Variants in CUL4B observed in about 807,000 individuals in gnomAD.
CUL4B encodes the protein cullin-4B.
CUL4B carries 1 observed loss-of-function variant against 69.2 expected under a neutral mutation model. That is an observed-to-expected ratio of 0.01 (90% CI 0.01 to 0.07). The LOEUF (loss-of-function observed/expected upper bound fraction) is 0.07, where lower values mean the gene tolerates loss of function less well. Ranked by LOEUF, CUL4B falls within the 10% of genes least tolerant of loss-of-function variation. The pLI is 1.00. For missense variants in CUL4B, 328 were observed against 638.8 expected, an observed-to-expected ratio of 0.51 and a Z score of 5.24; for synonymous variants, 237 against 223.2, an observed-to-expected ratio of 1.06 and a Z score of -0.55.
chrX:120,548,476 G>C (rs917299257), intron 2 of CUL4B, among the ~76,000 whole-genome samples: 6 of 111,662 alleles, frequency 5.4e-5, no homozygotes, highest in African/African-American at 2.0e-4. Flanking sequence ...GTATGATAAT[G>C]AGTATGATAT....
downstream of CUL4B, among the ~76,000 whole-genome samples, chrX:120,567,032 C>G (rs779455069): frequency 4.5e-5 from 5 of 110,817 alleles, no homozygotes; most frequent in Non-Finnish European, 5.7e-5. Flanking sequence ...ATCGATGTCT[C>G]TCAAAGTCCC....
intron 2 of CUL4B, among the ~76,000 whole-genome samples, chrX:120,557,258 T>G (rs1393819339): frequency 9.0e-6 from 1 of 111,539 alleles, no homozygotes; most frequent in African/African-American, 3.3e-5. Flanking sequence ...TGAAAGTAAC[T>G]TCTTGAATTG....
At chrX:120,544,000 G>A in intron 7 of CUL4B, 114 bp downstream of exon 7, 2 of 588,426 alleles carry the variant, frequency 3.4e-6, no homozygotes, top group South Asian at 2.5e-5. Context: ...GCACCTAAGT[G>A]AGAGAAGAGC....
chrX:120,541,526 G>A, intron 10 of CUL4B, 76 bp downstream of exon 10: 5 of 723,304 alleles, frequency 6.9e-6, no homozygotes, highest in South Asian at 2.2e-5. Context: ...GATCAAACAA[G>A]AAATGCTTGC....
chrX:120,524,140 A>G lies in CUL4B; in HGVS notation c.*2621T>C. 9.0e-6 allele frequency among the ~76,000 whole-genome samples: 1 copy of G among 111,678 alleles called. No individual in the cohort carries two copies. Among genetic ancestry groups the G allele is most frequent in the Admixed American group, 9.6e-5 (1 of 10,406 alleles). On this transcript the variant is annotated 3_prime_UTR_variant, in exon 20 of 20. Transcript: ENST00000371322. ...AAGAGTATGGCTAGACATCATATTA[A>G]GACCATTCAAGCAGACTCAGGAACT... is the stretch of plus-strand genomic sequence containing the variant.
intron 17 of CUL4B, 114 bp from the exon 18 acceptor site, chrX:120,532,708 A>G (rs1923392896): frequency 1.5e-6 from 1 of 683,535 alleles, no homozygotes; most frequent in Non-Finnish European, 2.3e-6. Flanking sequence ...TTTTTTCCCA[A>G]AGGTCACCAA....
chrX:120,566,371 A>ATATATATATATATATATATATG (rs1925539309), upstream of CUL4B, among the ~76,000 whole-genome samples: 1 of 60,028 alleles, frequency 1.7e-5, no homozygotes, highest in African/African-American at 5.3e-5. Context: ...ATATATATAT[A>ATATATATATATATATATATATG]TATATATATA....
At chrX:120,544,266 T>A (rs1430523259) in intron 6 of CUL4B, 63 bp from the exon 7 acceptor site, 5 of 877,922 alleles carry the variant, frequency 5.7e-6, no homozygotes, top group Non-Finnish European at 6.7e-6. Context: ...ATGTCCTCTA[T>A]GTCTATGTAA....
intron 2 of CUL4B, among the ~76,000 whole-genome samples, chrX:120,553,770 G>C (rs750996894): frequency 9.0e-6 from 1 of 110,634 alleles, no homozygotes; most frequent in Non-Finnish European, 1.9e-5. Flanking sequence ...AAAACACTGC[G>C]GCTACTCATA....
chrX:120,544,126 C>A lies in CUL4B; in HGVS notation c.1161G>T (p.Met387Ile). Residue 387 changes from methionine (M) to isoleucine (I), a missense_variant, in exon 7 of 20, where the codon ATG becomes ATT. This residue lies in a region of CUL4B where 126 missense variants were observed against 202.5 expected (regional missense o/e 0.62). Transcript: ENST00000371322. The stretch of plus-strand genomic sequence containing the variant: ...GATTTTTAAATACCTCTCTTTCTTG[C>A]ATTAATTTTTGGCCTTCAGCTGCAT... Reference protein sequence around the residue: ...RLYAAEGQKLMQEREVPEYLH... With the variant: ...RLYAAEGQKLIQEREVPEYLH... The A allele has an allele frequency of 8.5e-7, 1 of 1,181,812 alleles. No individual in the cohort carries two copies. The highest frequency in any genetic ancestry group is 3.0e-5 in the East Asian group (1 of 33,645).
chrX:120,564,777 G>A (rs1925444460), upstream of CUL4B, among the ~76,000 whole-genome samples: 1 of 112,304 alleles, frequency 8.9e-6, no homozygotes, highest in East Asian at 2.8e-4. Context: ...TTGAACTCAC[G>A]GGAGCCACAC....
At chrX:120,532,186 G>T (rs1012813298) in intron 18 of CUL4B, 21 of 316,481 alleles carry the variant, frequency 6.6e-5, no homozygotes, top group Admixed American at 5.3e-5. Context: ...AAATTCTAAA[G>T]ATTGAATACT....
intron 2 of CUL4B, among the ~76,000 whole-genome samples, chrX:120,549,365 A>G (rs1004579553): frequency 9.8e-5 from 11 of 111,944 alleles, no homozygotes; most frequent in Non-Finnish European, 1.9e-4. Context: ...CACTCTGACC[A>G]ACATAGTGAA....
chrX:120,569,505 C>T (rs915862736), downstream of CUL4B, among the ~76,000 whole-genome samples: 32 of 110,164 alleles, frequency 2.9e-4, no homozygotes, highest in Non-Finnish European at 5.7e-4. Context: ...GGACTACAGG[C>T]GCCCGCCACC....
intron 17 of CUL4B, 98 bp downstream of exon 17, chrX:120,534,383 A>G (rs113467361): frequency 3.3e-5 from 21 of 634,119 alleles, no homozygotes; most frequent in African/African-American, 2.0e-4. Flanking sequence ...AAAAACTCAA[A>G]ACAGTTCTGA....
upstream of CUL4B, among the ~76,000 whole-genome samples, chrX:120,564,625 C>T (rs1052036435): frequency 1.8e-5 from 2 of 112,322 alleles, no homozygotes; most frequent in African/African-American, 6.4e-5. Flanking sequence ...CAAAAACCTT[C>T]CAAGTTGGTT....
At chrX:120,533,130 T>C (rs912200265) in intron 17 of CUL4B, among the ~76,000 whole-genome samples, 1 of 112,181 alleles carries the variant, frequency 8.9e-6, no homozygotes, top group Admixed American at 9.4e-5. Context: ...AACCCTAAAA[T>C]CATCTTTTAA....
In CUL4B at chrX:120,571,808, G is replaced by A. The variant is rs577690680; in HGVS notation, c.*161C>T. The A allele has an allele frequency of 4.5e-5, 5 of 111,110 alleles. No individual in the cohort carries two copies. The South Asian group carries it at 1.9e-3, about 43-fold the overall frequency. The allele number at this position is 111,110 out of a possible 1,213,427, so 9.2% of individuals were successfully genotyped here. A position where few individuals can be genotyped will look rare whatever the true frequency, so the allele number is the denominator to read the frequency against. ...CCACATCAGCAATCAAGCAGGAATGGAAAATACAGGATTTGCAGGATTGGA... is the reference window on the plus strand; with the variant it reads ...CCACATCAGCAATCAAGCAGGAATGAAAAATACAGGATTTGCAGGATTGGA... On this transcript the variant is annotated 3_prime_UTR_variant, in exon 3 of 3. Transcript: ENST00000486604.
At position 120,536,964 on chromosome X, in the gene CUL4B, G is replaced by T; in HGVS notation, c.2009C>A (p.Pro670Gln). The T allele has an allele frequency of 8.3e-7, 1 of 1,206,984 alleles. No homozygotes were observed. The highest frequency in any genetic ancestry group is 1.1e-6 in the Non-Finnish European group (1 of 891,692). The change falls in exon 15 of 20, where the codon CCG (proline) becomes CAG (glutamine). Residue 670 changes from proline to glutamine, a missense_variant. Coordinates refer to ENST00000371322, the MANE Select transcript of CUL4B (RefSeq NM_001079872.2). ...ATGAACTTCCATAGGCACATATGTC[G>T]GCCAATAGCCCATTGTCAGGATATT... Reference protein sequence around the residue: ...TVNILTMGYWPTYVPMEVHLP... With the variant: ...TVNILTMGYWQTYVPMEVHLP...
Sources: gnomAD v4.1 joint callset for allele counts (sites outside exome capture counted in the v4.1 genomes callset) on GRCh38, gnomAD v4.1.1 for gene constraint, gnomAD v4.1.1 regional missense constraint, MANE v1.5 for transcripts, NCBI Gene and HGNC (gene_info 2026-07-23, HGNC 2026-07-21) for gene names.